CCSER1: variants seen among roughly 807,000 people sequenced by gnomAD.
CCSER1 encodes the protein coiled-coil serine rich protein 1.
CCSER1 carries 41 observed loss-of-function variants against 82.0 expected under a neutral mutation model. The ratio of observed to expected loss-of-function variants is 0.50; its 90% CI spans 0.39 to 0.65. The LOEUF (loss-of-function observed/expected upper bound fraction) is 0.65, where lower values mean the gene tolerates loss of function less well. Ranked by LOEUF, CCSER1 falls within the 30% of genes least tolerant of loss-of-function variation. The probability of loss-of-function intolerance (pLI) is 0.00; values close to 1 mark genes in which losing one functional copy is unlikely to be tolerated. For missense variants in CCSER1, 1,119 were observed against 1,064.2 expected, an observed-to-expected ratio of 1.05 and a Z score of -0.72; for synonymous variants, 414 against 383.9, an observed-to-expected ratio of 1.08 and a Z score of -0.92.
chr4:90,750,135 G>C (rs1167835534), intron 7 of CCSER1, among the ~76,000 whole-genome samples: 1 of 151,602 alleles, frequency 6.6e-6, no homozygotes, highest in Non-Finnish European at 1.5e-5. Context: ...TTTTTGATGG[G>C]GTTGTTTGTT....
intron 8 of CCSER1, among the ~76,000 whole-genome samples, chr4:90,855,485 G>GA (rs1327259960): frequency 6.6e-6 from 1 of 152,010 alleles, no homozygotes; most frequent in East Asian, 1.9e-4. Flanking sequence ...TAAAGCTAAA[G>GA]AAAAAATGAA....
chr4:91,342,166 T>G (rs1284094932), intron 10 of CCSER1, among the ~76,000 whole-genome samples: 1 of 152,178 alleles, frequency 6.6e-6, no homozygotes, highest in Non-Finnish European at 1.5e-5. Flanking sequence ...TTTACTACAG[T>G]CTATAAGATT....
At chr4:90,504,627 C>A (rs973489367) in intron 5 of CCSER1, among the ~76,000 whole-genome samples, 3 of 152,144 alleles carry the variant, frequency 2.0e-5, no homozygotes, top group Admixed American at 2.0e-4. Flanking sequence ...TTTTCTAAGT[C>A]TAGCAAGAGC....
chr4:90,651,906 A>T (rs982656605), intron 6 of CCSER1, among the ~76,000 whole-genome samples: 2 of 152,176 alleles, frequency 1.3e-5, no homozygotes, highest in Admixed American at 1.3e-4. Context: ...ATTGCTTCAT[A>T]TAGTGTCCAT....
At chr4:91,035,252 C>G (rs903989145) in intron 9 of CCSER1, among the ~76,000 whole-genome samples, 3 of 151,946 alleles carry the variant, frequency 2.0e-5, no homozygotes, top group African/African-American at 7.3e-5. Context: ...AGCTTTATTT[C>G]AGATCTAGGA....
At chr4:90,143,013 A>G (rs1725089033) in intron 1 of CCSER1, among the ~76,000 whole-genome samples, 4 of 152,152 alleles carry the variant, frequency 2.6e-5, no homozygotes, top group South Asian at 2.1e-4. Context: ...AATATCCACT[A>G]TTTGTCACTT....
At chr4:91,591,014 G>A (rs1050740527) in intron 10 of CCSER1, among the ~76,000 whole-genome samples, 2 of 151,966 alleles carry the variant, frequency 1.3e-5, no homozygotes, top group Non-Finnish European at 2.9e-5. Flanking sequence ...TCTCAACTGG[G>A]GGCAATTTTG....
At chr4:90,978,063 G>A (rs141582099) in intron 9 of CCSER1, among the ~76,000 whole-genome samples, 2 of 151,550 alleles carry the variant, frequency 1.3e-5, no homozygotes, top group African/African-American at 2.4e-5. Flanking sequence ...CTGGATATTC[G>A]TTGATCTACA....
At chr4:91,111,204 C>T (rs954007840) in intron 10 of CCSER1, among the ~76,000 whole-genome samples, 3 of 151,798 alleles carry the variant, frequency 2.0e-5, no homozygotes, top group African/African-American at 7.3e-5. Context: ...TACCCGTTAT[C>T]CTTTGTCAAA....
At chr4:91,392,367 A>ACACG (rs1181855502) in intron 10 of CCSER1, among the ~76,000 whole-genome samples, 5 of 151,316 alleles carry the variant, frequency 3.3e-5, no homozygotes, top group East Asian at 1.9e-4. Flanking sequence ...ACACATGCAC[A>ACACG]CACACACACA....
intron 9 of CCSER1, among the ~76,000 whole-genome samples, chr4:91,069,355 CT>C (rs952804252): frequency 1.5e-4 from 22 of 147,442 alleles, no homozygotes; most frequent in East Asian, 2.0e-4. Flanking sequence ...ATTCATTTCA[CT>C]TTTTTTTTTC....
chr4:91,119,132 T>C (rs1281273150), intron 10 of CCSER1, among the ~76,000 whole-genome samples: 1 of 152,210 alleles, frequency 6.6e-6, no homozygotes, highest in Non-Finnish European at 1.5e-5. Context: ...ATTTGCCCTG[T>C]ATTCAGAGAT....
intron 3 of CCSER1, among the ~76,000 whole-genome samples, chr4:90,347,311 C>CTCTATCTATCTA (rs35636292): frequency 0.091 from 13,580 of 148,626 alleles, 696 homozygotes; most frequent in East Asian, 0.21. Flanking sequence ...TTAACATAAG[C>CTCTATCTATCTA]TCTATCTATC....
chr4:90,725,066 T>C (rs192482639), intron 7 of CCSER1: 42 of 404,816 alleles, frequency 1.0e-4, no homozygotes, highest in Middle Eastern at 3.6e-4. Context: ...CTGAATGATA[T>C]TCTGATTACA....
At chr4:90,129,587 A>C (rs1722460184) in intron 1 of CCSER1, among the ~76,000 whole-genome samples, 1 of 152,208 alleles carries the variant, frequency 6.6e-6, no homozygotes, top group Non-Finnish European at 1.5e-5. Context: ...TGTTGTAACC[A>C]CACTTTCAAT....
At chr4:90,850,263 T>G (rs1158933478) in intron 8 of CCSER1, among the ~76,000 whole-genome samples, 1 of 152,214 alleles carries the variant, frequency 6.6e-6, no homozygotes, top group Non-Finnish European at 1.5e-5. Flanking sequence ...GGAGCCCTCA[T>G]GGCTCACTAG....
At chr4:90,577,903 A>G (rs1033850086) in intron 5 of CCSER1, among the ~76,000 whole-genome samples, 1 of 152,060 alleles carries the variant, frequency 6.6e-6, no homozygotes, top group African/African-American at 2.4e-5. Context: ...ATTTAATGTT[A>G]TTACTTTTAA....
chr4:90,663,754 A>T (rs556566546), intron 6 of CCSER1: 30 of 167,462 alleles, frequency 1.8e-4, no homozygotes, highest in African/African-American at 6.9e-4. Flanking sequence ...GTTATTTCCC[A>T]TTGCAATATT....
intron 1 of CCSER1, among the ~76,000 whole-genome samples, chr4:90,194,373 C>G (rs1736214508): frequency 6.6e-6 from 1 of 151,912 alleles, no homozygotes; most frequent in African/African-American, 2.4e-5. Flanking sequence ...ACTGGCAGCT[C>G]TTGTTATTTA....
Sources: gnomAD v4.1 joint callset for allele counts (sites outside exome capture counted in the v4.1 genomes callset) on GRCh38, gnomAD v4.1.1 for gene constraint, MANE v1.5 for transcripts, NCBI Gene and HGNC (gene_info 2026-07-23, HGNC 2026-07-21) for gene names.